Variants in COL4A2 observed in about 807,000 individuals in gnomAD.
COL4A2 encodes collagen alpha-2(IV) chain.
A neutral mutation model predicts 200.2 loss-of-function variants in COL4A2; 99 were observed. The ratio of observed to expected loss-of-function variants is 0.49; its 90% CI spans 0.42 to 0.58. COL4A2 has a LOEUF of 0.58. Ranked by LOEUF, COL4A2 falls within the 20% of genes least tolerant of loss-of-function variation. The pLI, the probability that COL4A2 is intolerant of heterozygous loss-of-function variation, is 0.00. For synonymous variants in COL4A2, 897 were observed against 900.6 expected, an observed-to-expected ratio of 1.00 and a Z score of 0.07; for missense variants, 1,950 against 2,314.1, an observed-to-expected ratio of 0.84 and a Z score of 3.23.
At chr13:110,385,498 T>C (rs9521737) in intron 4 of COL4A2, among the ~76,000 whole-genome samples, 26,462 of 87,262 alleles carry the variant, frequency 0.3, 4,354 homozygotes, top group Admixed American at 0.37. Flanking sequence ...TAGGCCGTGG[T>C]TACAGTGTGT....
chr13:110,394,133 A>G (rs1165814929), intron 4 of COL4A2, among the ~76,000 whole-genome samples: 1 of 152,186 alleles, frequency 6.6e-6, no homozygotes, highest in Non-Finnish European at 1.5e-5. Flanking sequence ...ACAGGTCTTT[A>G]GGTTAAGGAT....
chr13:110,426,380 T>G (rs1282214564), intron 6 of COL4A2, among the ~76,000 whole-genome samples: 1 of 152,186 alleles, frequency 6.6e-6, no homozygotes, highest in Non-Finnish European at 1.5e-5. Flanking sequence ...GGAGGAATGA[T>G]TGTGGTGAGC....
intron 3 of COL4A2, among the ~76,000 whole-genome samples, chr13:110,337,889 G>C (rs946708521): frequency 5.9e-5 from 9 of 152,196 alleles, no homozygotes; most frequent in African/African-American, 1.9e-4. Context: ...AATATATGCA[G>C]TGAGCATATA....
chr13:110,338,365 G>A (rs1296779266), intron 3 of COL4A2, among the ~76,000 whole-genome samples: 1 of 149,638 alleles, frequency 6.7e-6, no homozygotes, highest in Non-Finnish European at 1.5e-5. Flanking sequence ...AGAGAGGAGA[G>A]AGGCACAGTT....
chr13:110,436,756 A>G (rs1479136117), intron 13 of COL4A2, among the ~76,000 whole-genome samples: 1 of 152,258 alleles, frequency 6.6e-6, no homozygotes, highest in African/African-American at 2.4e-5. Context: ...CTTTGCTGAC[A>G]TGAAGCACCT....
chr13:110,359,726 C>A (rs928496814), intron 4 of COL4A2, among the ~76,000 whole-genome samples: 5 of 152,168 alleles, frequency 3.3e-5, no homozygotes, highest in African/African-American at 7.2e-5. Flanking sequence ...TCCACAAAAT[C>A]AAATGGGCAC....
intron 20 of COL4A2, among the ~76,000 whole-genome samples, chr13:110,453,668 C>G (rs554519330): frequency 6.6e-6 from 1 of 152,252 alleles, no homozygotes; most frequent in African/African-American, 2.4e-5. Flanking sequence ...AAGTCAACTG[C>G]GAACAATTTA....
intron 20 of COL4A2, chr13:110,456,632 C>T (rs539147096): frequency 8.1e-5 from 31 of 384,860 alleles, no homozygotes; most frequent in African/African-American, 5.7e-4. Flanking sequence ...AAAAAATGTG[C>T]TTTTGTTTAT....
At chr13:110,322,634 C>T (rs993327964) in intron 3 of COL4A2, among the ~76,000 whole-genome samples, 4 of 152,172 alleles carry the variant, frequency 2.6e-5, no homozygotes, top group African/African-American at 9.7e-5. Context: ...AACTGACGGT[C>T]ACCAGCCTCC....
intron 4 of COL4A2, among the ~76,000 whole-genome samples, chr13:110,372,817 T>C (rs1341936011): frequency 6.6e-6 from 1 of 152,250 alleles, no homozygotes; most frequent in African/African-American, 2.4e-5. Context: ...TTCCTATGCC[T>C]TTGGGCAGGT....
chr13:110,472,051 A>G (rs901771659), intron 28 of COL4A2, among the ~76,000 whole-genome samples: 2 of 152,160 alleles, frequency 1.3e-5, no homozygotes, highest in South Asian at 4.1e-4. Flanking sequence ...TGGCACCCAC[A>G]AAAGACACAG....
At position 110,462,330 on chromosome 13, in the gene COL4A2, T is replaced by G; in HGVS notation, c.1722T>G (p.Asp574Glu). ...GTGTGCCCGGGATGAAAGGTGACGA[T>G]GGCAGCCCAGGCCGCGATGGGCTCG... ...VPGVPGMKGDDGSPGRDGLDG... is the reference protein window; with the variant it reads ...VPGVPGMKGDEGSPGRDGLDG... The change falls in exon 24 of 48, where the codon GAT becomes GAG. Residue 574 changes from aspartate to glutamate, a missense_variant. Physicochemically the swap from Asp to Glu is conservative, Grantham distance 45 (BLOSUM62 2). Coordinates refer to ENST00000360467, the MANE Select transcript of COL4A2 (RefSeq NM_001846.4). 7 of 1,614,138 alleles carry G rather than the reference T, an allele frequency of 4.3e-6. No individual in the cohort carries two copies. In the South Asian group the frequency reaches 7.7e-5, roughly 18 times the overall value.
chr13:110,405,107 A>G (rs551111467), intron 4 of COL4A2, among the ~76,000 whole-genome samples: 1 of 152,296 alleles, frequency 6.6e-6, no homozygotes, highest in East Asian at 1.9e-4. Flanking sequence ...AGAGTCAGAC[A>G]CTGTCTCAAA....
chr13:110,443,459 C>T (rs1881211303), intron 16 of COL4A2, among the ~76,000 whole-genome samples: 1 of 152,214 alleles, frequency 6.6e-6, no homozygotes, highest in African/African-American at 2.4e-5. Flanking sequence ...ACTTTCCTTA[C>T]TCCAGTTATT....
chr13:110,327,875 A>G (rs1311203662), intron 3 of COL4A2, among the ~76,000 whole-genome samples: 1 of 152,164 alleles, frequency 6.6e-6, no homozygotes, highest in African/African-American at 2.4e-5. Context: ...CAGCTTTGCA[A>G]CTCTTCGGTC....
Position 110,503,859 on chromosome 13 carries a change from C to T in COL4A2, c.4151C>T (p.Thr1384Ile). The T allele has an allele frequency of 6.2e-7, 1 of 1,613,950 alleles. No homozygotes were observed. Among genetic ancestry groups the T allele is most frequent in the Non-Finnish European group, 8.5e-7 (1 of 1,179,900 alleles). The stretch of plus-strand genomic sequence containing the variant: ...GTTTCCCTTCCAGGTGCCCCCGGGA[C>T]TGTGGGAGCCCCCGGGATTGCAGGA... ...GDPGFPGAPG[T>I]VGAPGIAGIP... The change falls in exon 44 of 48, where the codon ACT becomes ATT. Residue 1384 changes from threonine (T) to isoleucine (I), a missense_variant. This residue lies in a region of COL4A2 where 1,385 missense variants were observed against 1,720.5 expected (regional missense o/e 0.80). Coordinates refer to ENST00000360467, the MANE Select transcript of COL4A2 (RefSeq NM_001846.4).
intron 3 of COL4A2, among the ~76,000 whole-genome samples, chr13:110,313,224 T>C (rs968906195): frequency 2.6e-5 from 4 of 152,186 alleles, no homozygotes; most frequent in African/African-American, 9.7e-5. Flanking sequence ...TTCCCTCTGG[T>C]GCCCACTCCC....
chr13:110,447,166 T>C (rs140390805), intron 18 of COL4A2, among the ~76,000 whole-genome samples: 3 of 152,294 alleles, frequency 2.0e-5, no homozygotes, highest in Middle Eastern at 6.8e-3. Context: ...GCTTAACTTG[T>C]AGAGTTCTAG....
chr13:110,468,719 G>A, intron 27 of COL4A2, among the ~76,000 whole-genome samples: 1 of 152,214 alleles, frequency 6.6e-6, no homozygotes, highest in East Asian at 1.9e-4. Context: ...GATGGGTTTT[G>A]TGACATGGCT....
Sources: allele counts gnomAD v4.1 joint callset (sites outside exome capture counted in the v4.1 genomes callset), GRCh38; gene constraint gnomAD v4.1.1; regional missense constraint gnomAD v4.1.1; transcripts MANE v1.5; gene names NCBI Gene and HGNC (gene_info 2026-07-23, HGNC 2026-07-21).